RANBP2: variants seen among roughly 807,000 people sequenced by gnomAD.
The protein encoded by RANBP2 is RAN binding protein 2.
In RANBP2, 57 loss-of-function variants were observed where a neutral mutation model predicts 303.6. That is an observed-to-expected ratio of 0.19 (90% CI 0.15 to 0.23). The LOEUF (loss-of-function observed/expected upper bound fraction) is 0.23. Ranked by LOEUF, RANBP2 falls within the 10% of genes least tolerant of loss-of-function variation. The probability of loss-of-function intolerance (pLI) is 1.00; values close to 1 mark genes in which losing one functional copy is unlikely to be tolerated. For missense variants in RANBP2, 3,138 were observed against 3,780.8 expected (o/e 0.83, Z 4.46); for synonymous variants, 1,167 against 1,301.5 (o/e 0.90, Z 2.23).
chr2:109,117,134 A>G, the RANBP2 span, among the ~76,000 whole-genome samples: 3 of 152,242 alleles, frequency 2.0e-5, no homozygotes, highest in African/African-American at 7.2e-5. Context: ...CTCCAGCTGC[A>G]TGCTGGGAGA....
chr2:109,077,287 C>T, the RANBP2 span, among the ~76,000 whole-genome samples: 9 of 150,452 alleles, frequency 6.0e-5, 1 homozygote, highest in African/African-American at 1.2e-4. Context: ...AACTCCTACA[C>T]GGAAACATAG....
the RANBP2 span, among the ~76,000 whole-genome samples, chr2:109,400,230 A>C: frequency 6.6e-6 from 1 of 152,136 alleles, no homozygotes; most frequent in East Asian, 1.9e-4. Flanking sequence ...ATGCACGCAC[A>C]CACACACATA....
the RANBP2 span, among the ~76,000 whole-genome samples, chr2:109,649,387 T>C: frequency 6.6e-6 from 1 of 152,108 alleles, no homozygotes. Context: ...AAAGGTATTA[T>C]GAATTTCTTT....
At chr2:108,792,618 T>A in the RANBP2 span, among the ~76,000 whole-genome samples, 1 of 152,234 alleles carries the variant, frequency 6.6e-6, no homozygotes, top group African/African-American at 2.4e-5. Context: ...GGGCATTTGC[T>A]GAACTGAGTG....
the RANBP2 span, among the ~76,000 whole-genome samples, chr2:109,692,277 G>A: frequency 6.6e-6 from 1 of 151,918 alleles, no homozygotes; most frequent in Admixed American, 6.6e-5. Context: ...GCAGAGAGGG[G>A]GCTGCCTCAG....
chr2:109,130,320 C>T, the RANBP2 span, among the ~76,000 whole-genome samples: 15 of 152,366 alleles, frequency 9.8e-5, no homozygotes, highest in African/African-American at 2.9e-4. Context: ...TGTGTCCCAT[C>T]CTCCTGTGGA....
At chr2:109,681,520 G>A in the RANBP2 span, among the ~76,000 whole-genome samples, 5 of 152,300 alleles carry the variant, frequency 3.3e-5, 1 homozygote, top group Admixed American at 3.3e-4. Flanking sequence ...GAAAAATAGA[G>A]GAGGAAACTT....
chr2:109,229,126 G>T, the RANBP2 span, among the ~76,000 whole-genome samples: 12 of 152,024 alleles, frequency 7.9e-5, no homozygotes, highest in African/African-American at 2.9e-4. Context: ...TCCTAGCCCC[G>T]CTATCACTCA....
chr2:108,731,008 A>C, intron 3 of RANBP2, 123 bp downstream of exon 3: 3 of 1,259,936 alleles, frequency 2.4e-6, no homozygotes, highest in Non-Finnish European at 3.4e-6. Context: ...ATCATAGTAC[A>C]GTTACGTGAC....
chr2:109,419,862 A>G, the RANBP2 span, among the ~76,000 whole-genome samples: 4 of 152,258 alleles, frequency 2.6e-5, no homozygotes, highest in Non-Finnish European at 5.9e-5. Context: ...TCTTCTAAGC[A>G]GGGAGGATAT....
rs1186947845 is a variant in RANBP2 at position 108,772,772 on chromosome 2, T to G, written c.8114-96T>G. 3.7e-6 allele frequency: 5 copies of G among 1,356,878 alleles called. No individual in the cohort carries two copies. The Admixed American group carries it at 5.8e-5, about 16-fold the overall frequency. The allele number at this position is 1,356,878 out of a possible 1,614,324, so 84.1% of individuals were successfully genotyped here. ...TTTTCATTAGTATGTACAGGTCTTG[T>G]TACCTGGGTCTGTGGATTATGTTGA... is the stretch of plus-strand genomic sequence containing the variant. On this transcript the variant is annotated intron_variant, in intron 22 of 28. Coordinates refer to ENST00000283195, the MANE Select transcript of RANBP2 (RefSeq NM_006267.5).
At chr2:109,546,087 T>C in the RANBP2 span, 27 of 1,603,568 alleles carry the variant, frequency 1.7e-5, no homozygotes, top group Non-Finnish European at 2.2e-5. Flanking sequence ...TTGCTGCCTG[T>C]TGCCAGAAAG....
At chr2:109,425,464 C>A in the RANBP2 span, among the ~76,000 whole-genome samples, 325 of 152,304 alleles carry the variant, frequency 2.1e-3, no homozygotes, top group Non-Finnish European at 3.9e-3. Flanking sequence ...CAAGGCCTGG[C>A]TTCAAAGCTT....
the RANBP2 span, among the ~76,000 whole-genome samples, chr2:109,430,664 G>GC: frequency 6.6e-6 from 1 of 152,148 alleles, no homozygotes; most frequent in African/African-American, 2.4e-5. Flanking sequence ...TTTTCCCTTA[G>GC]TGGTATTTCC....
chr2:109,669,873 C>T, the RANBP2 span, among the ~76,000 whole-genome samples: 3 of 149,074 alleles, frequency 2.0e-5, no homozygotes, highest in East Asian at 2.0e-4. Flanking sequence ...CCCCACCCCC[C>T]GTGCCCTGGA....
chr2:108,764,192 A>C lies in RANBP2; in HGVS notation c.3653A>C (p.Asn1218Thr). The change falls in exon 20 of 29, where the codon AAT becomes ACT. Residue 1218 changes from asparagine to threonine, a missense_variant. Physicochemically the swap from Asn to Thr is moderately conservative, Grantham distance 65 (BLOSUM62 0). This residue lies in a region of RANBP2 where 72 missense variants were observed against 119.5 expected (regional missense o/e 0.60). Transcript: ENST00000283195. ...GAATGGAAAGAACGTGGGATTGGCA[A>C]TGTAAAAATACTGAGGCATAAAACA... ...SKEWKERGIG[N>T]VKILRHKTSG... The C allele has an allele frequency of 6.2e-7, 1 of 1,614,096 alleles. No homozygotes were observed. The highest frequency in any genetic ancestry group is 1.1e-5 in the South Asian group (1 of 91,090).
At chr2:108,977,394 A>G in the RANBP2 span, among the ~76,000 whole-genome samples, 1 of 152,142 alleles carries the variant, frequency 6.6e-6, no homozygotes, top group East Asian at 1.9e-4. Flanking sequence ...TCAGCCTCCC[A>G]AGTAGCTGGG....
chr2:109,028,201 G>A, the RANBP2 span, among the ~76,000 whole-genome samples: 2 of 152,214 alleles, frequency 1.3e-5, no homozygotes, highest in African/African-American at 4.8e-5. Context: ...AACCCAGGAC[G>A]TTGAGGCTGC....
the RANBP2 span, chr2:109,546,186 T>G: frequency 6.2e-7 from 1 of 1,606,242 alleles, no homozygotes; most frequent in African/African-American, 1.3e-5. Flanking sequence ...TCTTCAAGCT[T>G]CATTCTCTCT....
Sources: allele counts gnomAD v4.1 joint callset (sites outside exome capture counted in the v4.1 genomes callset), GRCh38; gene constraint gnomAD v4.1.1; regional missense constraint gnomAD v4.1.1; transcripts MANE v1.5; gene names NCBI Gene and HGNC (gene_info 2026-07-23, HGNC 2026-07-21).